Variants in RASGEF1C observed in about 807,000 individuals in gnomAD.
The protein encoded by RASGEF1C is ras-GEF domain-containing family member 1C.
Under a neutral mutation model 58.1 loss-of-function variants are expected in RASGEF1C, and 27 were observed. That is an observed-to-expected ratio of 0.46 (90% CI 0.34 to 0.64). The LOEUF is 0.64. Ranked by LOEUF, RASGEF1C falls within the 30% of genes least tolerant of loss-of-function variation. The pLI, the probability that RASGEF1C is intolerant of heterozygous loss-of-function variation, is 0.01. For synonymous variants in RASGEF1C, 243 were observed against 246.3 expected (o/e 0.99, Z 0.13); for missense variants, 502 against 605.1 (o/e 0.83, Z 1.79).
chr5:180,118,708 G>A lies in RASGEF1C; in HGVS notation c.988-4C>T, dbSNP rs780624297. The stretch of plus-strand genomic sequence containing the variant: ...TCCCCGTTGGGTCCATCTGGTGCTG[G>A]AAGGAGACAGGGAGGCATGTGGGCA... On this transcript the variant is annotated splice_region_variant and splice_polypyrimidine_tract_variant and intron_variant, in intron 9 of 13. Coordinates refer to ENST00000361132, the MANE Select transcript of RASGEF1C (RefSeq NM_175062.4). 1.0e-4 allele frequency: 163 copies of A among 1,614,096 alleles called. No homozygotes were observed. The highest frequency in any genetic ancestry group is 1.3e-4 in the Non-Finnish European group (154 of 1,180,022).
chr5:180,173,360 G>A (rs1384082717), intron 1 of RASGEF1C, among the ~76,000 whole-genome samples: 8 of 152,132 alleles, frequency 5.3e-5, no homozygotes, highest in African/African-American at 9.7e-5. Flanking sequence ...CCTGCCACCC[G>A]GTTTCCAGAC....
intron 13 of RASGEF1C, among the ~76,000 whole-genome samples, chr5:180,101,728 C>T (rs895789936): frequency 5.9e-5 from 9 of 152,338 alleles, no homozygotes; most frequent in South Asian, 2.1e-4. Context: ...CGTGTTAACA[C>T]GCCGAGCAAG....
intron 1 of RASGEF1C, among the ~76,000 whole-genome samples, chr5:180,151,005 G>C (rs143691505): frequency 6.7e-6 from 1 of 148,818 alleles, no homozygotes; most frequent in Non-Finnish European, 1.5e-5. Flanking sequence ...AATCCAACTT[G>C]CAAGGGATGT....
chr5:180,166,073 T>A (rs1767017540), intron 1 of RASGEF1C, among the ~76,000 whole-genome samples: 1 of 152,070 alleles, frequency 6.6e-6, no homozygotes, highest in Admixed American at 6.5e-5. Context: ...TTTGGTATAG[T>A]TTTTTCATGG....
intron 1 of RASGEF1C, among the ~76,000 whole-genome samples, chr5:180,144,065 C>T (rs1325565668): frequency 6.6e-6 from 1 of 152,216 alleles, no homozygotes; most frequent in African/African-American, 2.4e-5. Flanking sequence ...CACGAAGTAC[C>T]TCGCACAGTG....
At chr5:180,195,391 T>C (rs1756247751) in intron 1 of RASGEF1C, among the ~76,000 whole-genome samples, 1 of 152,152 alleles carries the variant, frequency 6.6e-6, no homozygotes, top group Non-Finnish European at 1.5e-5. Context: ...GGGAACTCCT[T>C]ACAACATGAC....
Position 180,195,366 on chromosome 5 carries a change from A to G in RASGEF1C, c.-7+13662T>C, listed in dbSNP as rs114357910. On this transcript the variant is annotated intron_variant, in intron 1 of 13. Transcript: ENST00000361132. ...CAGAGTACGGACCAACAGGAGGTGT[A>G]TGAGACGACGACACGGGAACTCCTT... Among the ~76,000 whole-genome samples, 443 of 152,340 alleles carry G rather than the reference A, an allele frequency of 2.9e-3. 2 individuals carry two copies. Among genetic ancestry groups the G allele is most frequent in the African/African-American group, 0.01 (417 of 41,574 alleles).
intron 4 of RASGEF1C, among the ~76,000 whole-genome samples, chr5:180,132,969 G>GAAAA (rs34307583): frequency 2.0e-5 from 2 of 99,192 alleles, no homozygotes; most frequent in Non-Finnish European, 4.0e-5. Context: ...CTCCGTCTCA[G>GAAAA]AAAAAAAAAA....
intron 13 of RASGEF1C, 134 bp downstream of exon 13, chr5:180,101,937 G>A (rs1765792159): frequency 1.5e-6 from 1 of 673,756 alleles, no homozygotes; most frequent in Middle Eastern, 4.0e-4. Context: ...AGGCTGGTGA[G>A]CCGGGTATCT....
intron 11 of RASGEF1C, among the ~76,000 whole-genome samples, chr5:180,113,171 C>A (rs1215677534): frequency 1.1e-5 from 1 of 93,644 alleles, no homozygotes; most frequent in African/African-American, 4.0e-5. Context: ...GACGGAGGGA[C>A]CGGGGATGGA....
chr5:180,119,444 G>A lies in RASGEF1C; in HGVS notation c.809C>T (p.Ala270Val), dbSNP rs1261812664. 5.0e-6 allele frequency: 8 copies of A among 1,613,734 alleles called. No individual in the cohort carries two copies. Among genetic ancestry groups the A allele is most frequent in the Non-Finnish European group, 6.8e-6 (8 of 1,179,794 alleles). The change falls in exon 8 of 14, where the codon GCC becomes GTC. Residue 270 changes from alanine to valine, a missense_variant. Transcript: ENST00000361132. ...CACCTGGGCCCTCTGCTTCTTCTTGGCTGGCTGGGGACAGGGCAGCAGAGC... is the reference window on the plus strand; with the variant it reads ...CACCTGGGCCCTCTGCTTCTTCTTGACTGGCTGGGGACAGGGCAGCAGAGC... ...YLVATEICMP[A>V]KKKQRAQVIE...
In RASGEF1C at chr5:180,118,826, G is replaced by A; in HGVS notation, c.948C>T (p.Thr316=). 3 of 1,614,232 alleles carry A rather than the reference G, an allele frequency of 1.9e-6. No homozygotes were observed. Among genetic ancestry groups the A allele is most frequent in the South Asian group, 2.2e-5 (2 of 91,090 alleles). ...ACTTGGCCGTCCTCACTTTGGCCCA[G>A]GTCTTCTTCAGCCTGGAGACAGGGC... The part of the protein sequence containing the change: ...NMSPVSRLKK[T]WAKVRTAKFF... The change falls in exon 9 of 14, where the codon ACC becomes ACT. Residue 316 remains threonine, a synonymous_variant. Coordinates refer to ENST00000361132, the MANE Select transcript of RASGEF1C (RefSeq NM_175062.4).
At chr5:180,179,925 C>T (rs1004538371) in intron 1 of RASGEF1C, among the ~76,000 whole-genome samples, 13 of 152,170 alleles carry the variant, frequency 8.5e-5, no homozygotes, top group African/African-American at 2.9e-4. Context: ...GCTTTGCGTC[C>T]GTCAACGAGT....
intron 1 of RASGEF1C, among the ~76,000 whole-genome samples, chr5:180,150,312 C>T (rs1766725922): frequency 6.6e-6 from 1 of 152,168 alleles, no homozygotes; most frequent in African/African-American, 2.4e-5. Flanking sequence ...CGTCTTTGCA[C>T]ATCTTTAGGA....
At chr5:180,161,183 T>A (rs1766938335) in intron 1 of RASGEF1C, among the ~76,000 whole-genome samples, 1 of 152,018 alleles carries the variant, frequency 6.6e-6, no homozygotes, top group South Asian at 2.1e-4. Context: ...AACGCAAAGT[T>A]CCCCCACAGC....
chr5:180,159,630 G>A (rs372852774), intron 1 of RASGEF1C, among the ~76,000 whole-genome samples: 9 of 152,268 alleles, frequency 5.9e-5, no homozygotes, highest in Middle Eastern at 3.4e-3. Context: ...ATGGGGCTGC[G>A]GACAAGCTCG....
At chr5:180,182,222 AAAAAAAAAAG>A (rs1472319888) in intron 1 of RASGEF1C, among the ~76,000 whole-genome samples, 3 of 148,520 alleles carry the variant, frequency 2.0e-5, no homozygotes, top group Non-Finnish European at 4.5e-5. Flanking sequence ...AAAAAAAAAA[AAAAAAAAAAG>A]AATGAAGCCA....
At chr5:180,165,525 G>C (rs1767006670) in intron 1 of RASGEF1C, among the ~76,000 whole-genome samples, 1 of 151,630 alleles carries the variant, frequency 6.6e-6, no homozygotes, top group South Asian at 2.1e-4. Flanking sequence ...CAAAAAATTA[G>C]GCAGGCATTG....
intron 1 of RASGEF1C, among the ~76,000 whole-genome samples, chr5:180,139,143 A>G (rs975813131): frequency 6.6e-6 from 1 of 152,106 alleles, no homozygotes; most frequent in Non-Finnish European, 1.5e-5. Flanking sequence ...GCAGGTGTCC[A>G]TACCCACCTG....
Sources: allele counts gnomAD v4.1 joint callset (sites outside exome capture counted in the v4.1 genomes callset), GRCh38; gene constraint gnomAD v4.1.1; transcripts MANE v1.5; gene names NCBI Gene and HGNC (gene_info 2026-07-23, HGNC 2026-07-21).